Variants in CHCHD3 observed in about 807,000 individuals in gnomAD.
The protein encoded by CHCHD3 is coiled-coil-helix-coiled-coil-helix domain containing 3.
Under a neutral mutation model 38.2 loss-of-function variants are expected in CHCHD3, and 20 were observed. The observed-to-expected ratio is 0.52, with a 90% CI of 0.37 to 0.76. The LOEUF is 0.76. CHCHD3 is among the 30% of genes least tolerant of loss of function. The pLI is 0.00. For missense variants in CHCHD3, 245 were observed against 279.2 expected (o/e 0.88, Z 0.87); for synonymous variants, 82 against 100.0 (o/e 0.82, Z 1.07).
At chr7:132,970,165 A>G (rs950115687) in intron 4 of CHCHD3, among the ~76,000 whole-genome samples, 1 of 152,170 alleles carries the variant, frequency 6.6e-6, no homozygotes, top group African/African-American at 2.4e-5. Flanking sequence ...AGCAACTTCT[A>G]GTAGTGTCCC....
chr7:132,881,493 C>T (rs962314559), intron 5 of CHCHD3, among the ~76,000 whole-genome samples: 4 of 152,092 alleles, frequency 2.6e-5, no homozygotes, highest in African/African-American at 7.2e-5. Context: ...CTAGTTGATG[C>T]GCAGATGGTA....
chr7:132,972,372 G>A (rs1051285275), intron 4 of CHCHD3, among the ~76,000 whole-genome samples: 19 of 152,050 alleles, frequency 1.2e-4, no homozygotes, highest in Middle Eastern at 3.2e-3. Flanking sequence ...GAGAAATACC[G>A]TTATACACAT....
intron 2 of CHCHD3, among the ~76,000 whole-genome samples, chr7:133,027,538 AC>A (rs1813381669): frequency 6.6e-6 from 1 of 152,150 alleles, no homozygotes; most frequent in African/African-American, 2.4e-5. Flanking sequence ...GTCTAATCCC[AC>A]CATGGCCATC....
chr7:132,790,191 G>T (rs552576173), intron 7 of CHCHD3, among the ~76,000 whole-genome samples: 1 of 152,216 alleles, frequency 6.6e-6, no homozygotes, highest in South Asian at 2.1e-4. Flanking sequence ...CCTGGATCTT[G>T]TTTTATATCT....
chr7:132,834,539 CG>C (rs1183322842), intron 6 of CHCHD3, among the ~76,000 whole-genome samples: 1 of 152,094 alleles, frequency 6.6e-6, no homozygotes, highest in Non-Finnish European at 1.5e-5. Flanking sequence ...GTTTGCAGAG[CG>C]GGGGAGGGAG....
intron 6 of CHCHD3, among the ~76,000 whole-genome samples, chr7:132,798,890 T>C (rs1370661922): frequency 6.6e-6 from 1 of 152,158 alleles, no homozygotes; most frequent in Non-Finnish European, 1.5e-5. Flanking sequence ...CTATTAGTCA[T>C]GCAAGTTAAA....
At chr7:133,045,325 G>A (rs145051470) in intron 2 of CHCHD3, among the ~76,000 whole-genome samples, 4 of 152,252 alleles carry the variant, frequency 2.6e-5, no homozygotes, top group Admixed American at 2.0e-4. Flanking sequence ...AGGCTTACAC[G>A]ACGCACAGGA....
intron 2 of CHCHD3, among the ~76,000 whole-genome samples, chr7:133,044,966 C>T (rs1189034862): frequency 2.0e-5 from 3 of 152,206 alleles, no homozygotes; most frequent in African/African-American, 7.2e-5. Context: ...CTGCATGATG[C>T]GGGGTTAGGG....
intron 2 of CHCHD3, among the ~76,000 whole-genome samples, chr7:133,059,205 A>T (rs1317321024): frequency 4.6e-5 from 7 of 152,210 alleles, no homozygotes; most frequent in African/African-American, 1.7e-4. Flanking sequence ...AGGAGAAGAT[A>T]GAGTGAAGAA....
At chr7:132,809,222 A>G (rs1014366629) in intron 6 of CHCHD3, among the ~76,000 whole-genome samples, 1 of 151,860 alleles carries the variant, frequency 6.6e-6, no homozygotes, top group African/African-American at 2.4e-5. Flanking sequence ...TGGCCTCCCA[A>G]AGTACTAGGA....
At chr7:132,807,976 C>T (rs1190150610) in intron 6 of CHCHD3, among the ~76,000 whole-genome samples, 1 of 151,970 alleles carries the variant, frequency 6.6e-6, no homozygotes, top group Non-Finnish European at 1.5e-5. Flanking sequence ...CATTTCCACA[C>T]GTTTTGTGGC....
At chr7:132,916,397 A>C (rs1434958821) in intron 4 of CHCHD3, among the ~76,000 whole-genome samples, 1 of 152,182 alleles carries the variant, frequency 6.6e-6, no homozygotes, top group Non-Finnish European at 1.5e-5. Flanking sequence ...TTTGCTCTAG[A>C]ATGAAAAGAA....
At chr7:132,939,703 A>T (rs562492481) in intron 4 of CHCHD3, among the ~76,000 whole-genome samples, 2 of 152,314 alleles carry the variant, frequency 1.3e-5, no homozygotes, top group East Asian at 3.9e-4. Context: ...AGGAAGAATG[A>T]AGAGGGTGTG....
intron 1 of CHCHD3, among the ~76,000 whole-genome samples, chr7:133,080,319 C>G (rs1189598370): frequency 6.6e-6 from 1 of 152,106 alleles, no homozygotes; most frequent in Admixed American, 6.5e-5. Flanking sequence ...AATAGAATAC[C>G]TATCCCTGCT....
intron 3 of CHCHD3, among the ~76,000 whole-genome samples, chr7:133,012,759 G>A (rs941376690): frequency 2.2e-5 from 3 of 136,776 alleles, no homozygotes; most frequent in Non-Finnish European, 4.6e-5. Flanking sequence ...GCCAAATCCT[G>A]TCTCAAAACT....
intron 4 of CHCHD3, among the ~76,000 whole-genome samples, chr7:132,900,745 C>T (rs1208404649): frequency 6.6e-6 from 1 of 152,228 alleles, no homozygotes; most frequent in Non-Finnish European, 1.5e-5. Flanking sequence ...AAACCCAGCA[C>T]TTTGGAAGGC....
At chr7:132,947,536 T>C (rs1235884469) in intron 4 of CHCHD3, among the ~76,000 whole-genome samples, 1 of 151,996 alleles carries the variant, frequency 6.6e-6, no homozygotes, top group Non-Finnish European at 1.5e-5. Flanking sequence ...TTTTTCTAAG[T>C]TTAAAATTCT....
intron 4 of CHCHD3, 37 bp downstream of exon 4, chr7:132,975,132 T>A: frequency 6.6e-7 from 1 of 1,511,848 alleles, no homozygotes; most frequent in Non-Finnish European, 9.2e-7. Flanking sequence ...GATTTCCTTG[T>A]AGGCAAGAAA....
chr7:133,019,230 C>T (rs1168046888), intron 3 of CHCHD3, among the ~76,000 whole-genome samples: 1 of 152,130 alleles, frequency 6.6e-6, no homozygotes, highest in African/African-American at 2.4e-5. Flanking sequence ...TACCCACAAA[C>T]TCCTGTTTGT....
Sources: allele counts gnomAD v4.1 joint callset (sites outside exome capture counted in the v4.1 genomes callset), GRCh38; gene constraint gnomAD v4.1.1; transcripts MANE v1.5; gene names NCBI Gene and HGNC (gene_info 2026-07-23, HGNC 2026-07-21).